The following ADGRL2 variants were observed in gnomAD, a reference collection of about 807,000 sequenced individuals.
ADGRL2 encodes adhesion G protein-coupled receptor L2.
Under a neutral mutation model 157.4 loss-of-function variants are expected in ADGRL2, and 44 were observed. That is an observed-to-expected ratio of 0.28 (90% CI 0.22 to 0.36). ADGRL2 has a LOEUF of 0.36. Ranked by LOEUF, ADGRL2 falls within the 10% of genes least tolerant of loss-of-function variation. The probability of loss-of-function intolerance (pLI) is 1.00; values close to 1 mark genes in which losing one functional copy is unlikely to be tolerated. For synonymous variants in ADGRL2, 585 were observed against 624.7 expected (o/e 0.94, Z 0.95); for missense variants, 1,510 against 1,768.9 (o/e 0.85, Z 2.63).
intron 2 of ADGRL2, among the ~76,000 whole-genome samples, chr1:81,887,272 T>G (rs2094148188): frequency 6.6e-6 from 1 of 152,224 alleles, no homozygotes; most frequent in Admixed American, 6.5e-5. Context: ...TCTTTCTACA[T>G]AGTGCCTAAC....
At chr1:81,420,548 CT>C (rs1238105794) in intron 1 of ADGRL2, among the ~76,000 whole-genome samples, 2 of 152,164 alleles carry the variant, frequency 1.3e-5, no homozygotes, top group African/African-American at 2.4e-5. Flanking sequence ...TCTGAGTTTT[CT>C]CAGGATTCTT....
chr1:81,524,135 T>C (rs908158875), intron 2 of ADGRL2, among the ~76,000 whole-genome samples: 17 of 151,938 alleles, frequency 1.1e-4, no homozygotes, highest in African/African-American at 4.1e-4. Context: ...CCGAGGCGGT[T>C]GGATCACGAG....
chr1:81,344,666 C>CAAA lies in ADGRL2; in HGVS notation c.-302+38179_-302+38181dup, dbSNP rs71592731. Reference sequence around the variant, plus strand: ...GGGTGACAAGAGCGAAACTCTGTCTCAAAAAAAAAAAAAAAAAAAAAAAAG... The same window carrying CAAA: ...GGGTGACAAGAGCGAAACTCTGTCTCAAAAAAAAAAAAAAAAAAAAAAAAAAAG... On this transcript the variant is annotated intron_variant, in intron 1 of 24. Coordinates refer to the ADGRL2 transcript ENST00000370721. Among the ~76,000 whole-genome samples the CAAA allele has an allele frequency of 4.0e-3, 222 of 55,150 alleles. 2 individuals are homozygous for CAAA. Among genetic ancestry groups the CAAA allele is most frequent in the African/African-American group, 6.0e-3 (87 of 14,508 alleles). 36.2% of individuals were successfully genotyped at this position (55,150 alleles called of 152,430 possible).
intron 2 of ADGRL2, among the ~76,000 whole-genome samples, chr1:81,881,338 G>T (rs1456684888): frequency 6.6e-6 from 1 of 152,078 alleles, no homozygotes; most frequent in South Asian, 2.1e-4. Flanking sequence ...GCCACGCCCG[G>T]CTAATTTTTT....
chr1:81,371,533 T>A (rs979284344), intron 1 of ADGRL2, among the ~76,000 whole-genome samples: 1 of 152,226 alleles, frequency 6.6e-6, no homozygotes, highest in Non-Finnish European at 1.5e-5. Flanking sequence ...ATAAGAAATG[T>A]AAAGCATTTG....
intron 3 of ADGRL2, among the ~76,000 whole-genome samples, chr1:81,649,820 A>G (rs1325674278): frequency 6.6e-6 from 1 of 152,170 alleles, no homozygotes; most frequent in Non-Finnish European, 1.5e-5. Flanking sequence ...ACTGCATCTG[A>G]TGGAAAAGCA....
At chr1:81,348,857 A>T (rs972043160) in intron 1 of ADGRL2, among the ~76,000 whole-genome samples, 3 of 152,336 alleles carry the variant, frequency 2.0e-5, no homozygotes, top group Admixed American at 2.0e-4. Flanking sequence ...AAAGTAATGC[A>T]TCTGCATGCT....
intron 3 of ADGRL2, among the ~76,000 whole-genome samples, chr1:81,645,772 G>T (rs1261922278): frequency 6.6e-6 from 1 of 152,054 alleles, no homozygotes; most frequent in African/African-American, 2.4e-5. Flanking sequence ...GGACATTTAG[G>T]TGGTTTCTTT....
At chr1:81,331,287 G>C (rs1661248501) in intron 1 of ADGRL2, among the ~76,000 whole-genome samples, 1 of 152,106 alleles carries the variant, frequency 6.6e-6, no homozygotes, top group African/African-American at 2.4e-5. Flanking sequence ...TTTCACATTT[G>C]CAAGTAAAGA....
intron 1 of ADGRL2, among the ~76,000 whole-genome samples, chr1:81,758,184 C>T (rs751030659): frequency 3.3e-5 from 5 of 151,740 alleles, no homozygotes; most frequent in Non-Finnish European, 5.9e-5. Context: ...AGAAGAAAAG[C>T]TCTGGGCCCT....
At chr1:81,990,184 CAGT>C in intron 23 of ADGRL2, 1 of 984,984 alleles carries the variant, frequency 1.0e-6, no homozygotes. Context: ...CCCTGGAAAA[CAGT>C]ATTATTTTTA....
chr1:81,654,817 C>A (rs141118294), intron 3 of ADGRL2, among the ~76,000 whole-genome samples: 1 of 152,278 alleles, frequency 6.6e-6, no homozygotes, highest in East Asian at 1.9e-4. Context: ...AACCAGAATG[C>A]CTGGATTTCA....
At chr1:81,507,049 A>C (rs1463216988) in intron 2 of ADGRL2, among the ~76,000 whole-genome samples, 1 of 152,176 alleles carries the variant, frequency 6.6e-6, no homozygotes, top group Non-Finnish European at 1.5e-5. Context: ...CAGAAAATAA[A>C]TCATTTATAT....
chr1:81,930,139 A>G (rs934185022), intron 3 of ADGRL2, among the ~76,000 whole-genome samples: 11 of 152,222 alleles, frequency 7.2e-5, no homozygotes, highest in Admixed American at 3.9e-4. Context: ...TTTCGATACA[A>G]TTTATTCTGA....
At chr1:81,873,966 A>G (rs542576590) in intron 2 of ADGRL2, among the ~76,000 whole-genome samples, 2 of 152,278 alleles carry the variant, frequency 1.3e-5, no homozygotes, top group East Asian at 3.9e-4. Context: ...ATGGAGTGTG[A>G]TAAATATTTG....
upstream of ADGRL2, among the ~76,000 whole-genome samples, chr1:81,699,085 A>C (rs1220844855): frequency 6.6e-6 from 1 of 152,238 alleles, no homozygotes; most frequent in Non-Finnish European, 1.5e-5. Context: ...CAAAATGTAC[A>C]ACATACAACA....
chr1:81,463,779 T>C (rs1308162237), intron 2 of ADGRL2, among the ~76,000 whole-genome samples: 1 of 152,168 alleles, frequency 6.6e-6, no homozygotes, highest in Non-Finnish European at 1.5e-5. Context: ...GGTCAGGAGA[T>C]TGATGTGTAT....
intron 2 of ADGRL2, among the ~76,000 whole-genome samples, chr1:81,843,748 A>T (rs925958101): frequency 2.0e-5 from 3 of 152,184 alleles, no homozygotes; most frequent in Non-Finnish European, 4.4e-5. Context: ...ATCTTTTCAA[A>T]AGTAAATTTG....
chr1:81,724,339 A>C (rs1316451995), intron 1 of ADGRL2, among the ~76,000 whole-genome samples: 1 of 152,178 alleles, frequency 6.6e-6, no homozygotes, highest in Non-Finnish European at 1.5e-5. Flanking sequence ...TGTAGTATTC[A>C]TATTTGTATT....
Sources: gnomAD v4.1 joint callset for allele counts (sites outside exome capture counted in the v4.1 genomes callset) on GRCh38, gnomAD v4.1.1 for gene constraint, MANE v1.5 for transcripts, NCBI Gene and HGNC (gene_info 2026-07-23, HGNC 2026-07-21) for gene names.